The following PDGFC variants were observed in gnomAD, a reference collection of about 807,000 sequenced individuals.
PDGFC encodes the protein platelet derived growth factor C, also known as platelet-derived growth factor C.
In PDGFC, 12 loss-of-function variants were observed where a neutral mutation model predicts 35.5. That is an observed-to-expected ratio of 0.34 (90% CI 0.22 to 0.55). The LOEUF (loss-of-function observed/expected upper bound fraction) is 0.55, where lower values mean the gene tolerates loss of function less well. PDGFC is among the 20% of genes least tolerant of loss of function. The pLI is 0.91. For synonymous variants in PDGFC, 159 were observed against 148.8 expected (o/e 1.07, Z -0.50); for missense variants, 322 against 412.4 (o/e 0.78, Z 1.90).
chr4:156,860,721 A>T (rs1729690825), intron 1 of PDGFC, among the ~76,000 whole-genome samples: 1 of 152,138 alleles, frequency 6.6e-6, no homozygotes. Context: ...ATAATGTAAG[A>T]CTTAAAATAT....
intron 1 of PDGFC, among the ~76,000 whole-genome samples, chr4:156,965,340 G>A (rs1732440363): frequency 6.6e-6 from 1 of 152,074 alleles, no homozygotes; most frequent in East Asian, 1.9e-4. Flanking sequence ...AGTTCCTACA[G>A]GAAGCGATTC....
chr4:156,958,960 G>C (rs180986909), intron 1 of PDGFC, among the ~76,000 whole-genome samples: 1 of 152,124 alleles, frequency 6.6e-6, no homozygotes, highest in Admixed American at 6.5e-5. Context: ...ACTGTTGTTA[G>C]ATTTTTTACT....
intron 3 of PDGFC, among the ~76,000 whole-genome samples, chr4:156,795,607 A>T (rs558122496): frequency 6.6e-6 from 1 of 152,324 alleles, no homozygotes; most frequent in Admixed American, 6.5e-5. Flanking sequence ...TCCAGCTACA[A>T]ACCCCAAATA....
chr4:156,781,708 A>G (rs1468440375), intron 3 of PDGFC, among the ~76,000 whole-genome samples: 9 of 152,068 alleles, frequency 5.9e-5, no homozygotes, highest in Admixed American at 5.9e-4. Context: ...GCCATAGAAA[A>G]TGGGGCGTTT....
chr4:156,813,828 C>T (rs192976051), intron 2 of PDGFC, among the ~76,000 whole-genome samples: 139 of 152,156 alleles, frequency 9.1e-4, no homozygotes, highest in African/African-American at 3.1e-3. Context: ...CCTGGATGTT[C>T]GGCTTTTAAA....
At chr4:156,769,236 A>G (rs1730627448) in intron 4 of PDGFC, among the ~76,000 whole-genome samples, 1 of 151,916 alleles carries the variant, frequency 6.6e-6, no homozygotes, top group Non-Finnish European at 1.5e-5. Flanking sequence ...GATGGCTTCA[A>G]GTAGAAATAA....
At chr4:156,964,472 G>GT (rs1448947795) in intron 1 of PDGFC, among the ~76,000 whole-genome samples, 3 of 148,058 alleles carry the variant, frequency 2.0e-5, no homozygotes, top group East Asian at 2.0e-4. Flanking sequence ...TATATATACA[G>GT]TATATATATA....
At chr4:156,842,796 C>T (rs1450626529) in intron 2 of PDGFC, among the ~76,000 whole-genome samples, 1 of 152,144 alleles carries the variant, frequency 6.6e-6, no homozygotes, top group African/African-American at 2.4e-5. Context: ...TGTAACCCAC[C>T]TGTTATTTTA....
chr4:156,863,028 G>C (rs942883979), intron 1 of PDGFC, among the ~76,000 whole-genome samples: 20 of 151,850 alleles, frequency 1.3e-4, no homozygotes, highest in Middle Eastern at 3.4e-3. Flanking sequence ...ATGATTTTCC[G>C]ATTACAAAAA....
At chr4:156,871,760 G>A (rs568834930) in intron 1 of PDGFC, among the ~76,000 whole-genome samples, 2 of 151,942 alleles carry the variant, frequency 1.3e-5, no homozygotes, top group South Asian at 4.2e-4. Context: ...ATTAAATTGA[G>A]TCTATGGATG....
intron 2 of PDGFC, among the ~76,000 whole-genome samples, chr4:156,824,373 C>G (rs1055275312): frequency 8.3e-5 from 12 of 144,088 alleles, no homozygotes; most frequent in African/African-American, 3.3e-4. Flanking sequence ...TATACACACA[C>G]ATACATACAT....
intron 1 of PDGFC, among the ~76,000 whole-genome samples, chr4:156,918,739 C>A (rs1303198458): frequency 1.3e-5 from 2 of 152,192 alleles, no homozygotes; most frequent in African/African-American, 2.4e-5. Context: ...GGACAACTCT[C>A]TTCCGTGAAA....
At chr4:156,797,178 C>G (rs1048178289) in intron 3 of PDGFC, among the ~76,000 whole-genome samples, 1 of 149,736 alleles carries the variant, frequency 6.7e-6, no homozygotes, top group African/African-American at 2.5e-5. Context: ...GCAGAGCTTA[C>G]AGTGAGCAGA....
At chr4:156,805,604 G>A (rs954591778) in intron 3 of PDGFC, among the ~76,000 whole-genome samples, 8 of 151,962 alleles carry the variant, frequency 5.3e-5, no homozygotes, top group Middle Eastern at 3.4e-3. Flanking sequence ...TTTTTCCTAG[G>A]AAAGAAAGTG....
intron 1 of PDGFC, among the ~76,000 whole-genome samples, chr4:156,863,096 A>AT (rs1305338232): frequency 1.3e-5 from 2 of 152,214 alleles, no homozygotes; most frequent in Non-Finnish European, 1.5e-5. Context: ...TAATTGTATC[A>AT]TGCACACTTA....
intron 2 of PDGFC, among the ~76,000 whole-genome samples, chr4:156,816,575 A>T (rs923856154): frequency 3.9e-5 from 6 of 152,132 alleles, no homozygotes; most frequent in African/African-American, 1.4e-4. Flanking sequence ...TCCTCACAAC[A>T]ATCATAAAAA....
chr4:156,948,064 T>C (rs1731989068), intron 1 of PDGFC, among the ~76,000 whole-genome samples: 2 of 151,868 alleles, frequency 1.3e-5, no homozygotes, highest in South Asian at 4.1e-4. Flanking sequence ...TTTCTTTCCA[T>C]GTTTTTTATC....
chr4:156,803,589 A>T (rs991126218), intron 3 of PDGFC, among the ~76,000 whole-genome samples: 1 of 152,152 alleles, frequency 6.6e-6, no homozygotes, highest in African/African-American at 2.4e-5. Context: ...AATTCAAAAG[A>T]GTTATTTCAA....
intron 1 of PDGFC, among the ~76,000 whole-genome samples, chr4:156,967,992 A>T (rs1275478540): frequency 6.6e-6 from 1 of 152,212 alleles, no homozygotes; most frequent in African/African-American, 2.4e-5. Flanking sequence ...AAGAATTGCA[A>T]TCCAATGGTA....
Sources: gnomAD v4.1 joint callset for allele counts (sites outside exome capture counted in the v4.1 genomes callset) on GRCh38, gnomAD v4.1.1 for gene constraint, MANE v1.5 for transcripts, NCBI Gene and HGNC (gene_info 2026-07-23, HGNC 2026-07-21) for gene names.